The following ADCY2 variants were observed in gnomAD, a reference collection of about 807,000 sequenced individuals.
The protein encoded by ADCY2 is adenylate cyclase type 2.
Under a neutral mutation model 125.2 loss-of-function variants are expected in ADCY2, and 31 were observed. The ratio of observed to expected loss-of-function variants is 0.25; its 90% CI spans 0.19 to 0.33. ADCY2 has a LOEUF of 0.33. ADCY2 is among the 10% of genes least tolerant of loss of function. The pLI, the probability that ADCY2 is intolerant of heterozygous loss-of-function variation, is 1.00. For missense variants in ADCY2, 904 were observed against 1,418.2 expected (o/e 0.64, Z 5.82); for synonymous variants, 512 against 548.4 (o/e 0.93, Z 0.93).
intron 3 of ADCY2, among the ~76,000 whole-genome samples, chr5:7,584,182 T>A: frequency 6.6e-6 from 1 of 152,228 alleles, no homozygotes; most frequent in East Asian, 1.9e-4. Context: ...AGACCTAATG[T>A]AAAGCATAAT....
At chr5:7,572,269 C>T (rs1356214191) in intron 3 of ADCY2, among the ~76,000 whole-genome samples, 1 of 152,192 alleles carries the variant, frequency 6.6e-6, no homozygotes, top group African/African-American at 2.4e-5. Context: ...CTCCCGTCAA[C>T]AGTGTATAAA....
intron 18 of ADCY2, among the ~76,000 whole-genome samples, chr5:7,779,497 T>G (rs1743845322): frequency 6.6e-6 from 1 of 152,076 alleles, no homozygotes; most frequent in African/African-American, 2.4e-5. Context: ...TCACTCTTCT[T>G]CACAAAAGGA....
chr5:7,825,197 G>A (rs1358713997), intron 24 of ADCY2, among the ~76,000 whole-genome samples: 1 of 152,084 alleles, frequency 6.6e-6, no homozygotes, highest in Non-Finnish European at 1.5e-5. Context: ...CAACGCTGCT[G>A]TGCGCCACGA....
At chr5:7,710,745 G>A (rs1045150057) in intron 10 of ADCY2, among the ~76,000 whole-genome samples, 2 of 152,152 alleles carry the variant, frequency 1.3e-5, no homozygotes, top group Non-Finnish European at 2.9e-5. Context: ...GCAAGGGAGG[G>A]TCATGATATA....
chr5:7,647,297 C>T (rs1738932688), intron 4 of ADCY2, among the ~76,000 whole-genome samples: 1 of 152,084 alleles, frequency 6.6e-6, no homozygotes, highest in Non-Finnish European at 1.5e-5. Flanking sequence ...TAATATCTGC[C>T]CCAGAGAAAT....
chr5:7,737,194 T>C (rs1370269288), intron 14 of ADCY2, among the ~76,000 whole-genome samples: 2 of 152,104 alleles, frequency 1.3e-5, no homozygotes, highest in Admixed American at 1.3e-4. Context: ...GAATTTAATA[T>C]AAAGAAGTAT....
intron 7 of ADCY2, among the ~76,000 whole-genome samples, chr5:7,705,463 C>T (rs1167696964): frequency 3.3e-5 from 5 of 152,192 alleles, no homozygotes; most frequent in African/African-American, 1.2e-4. Context: ...TGCCTGAGTC[C>T]GGAAGAACAA....
chr5:7,642,435 A>T (rs1169761530), intron 4 of ADCY2, among the ~76,000 whole-genome samples: 1 of 152,160 alleles, frequency 6.6e-6, no homozygotes, highest in African/African-American at 2.4e-5. Context: ...CCTTTGTCAG[A>T]TGCATAGTTT....
intron 10 of ADCY2, among the ~76,000 whole-genome samples, chr5:7,711,907 C>T (rs1741452981): frequency 6.6e-6 from 1 of 152,312 alleles, no homozygotes; most frequent in South Asian, 2.1e-4. Context: ...CTGTGTGTCT[C>T]ACTCACTTTC....
chr5:7,434,061 G>A (rs1375398429), intron 2 of ADCY2, among the ~76,000 whole-genome samples: 1 of 151,962 alleles, frequency 6.6e-6, no homozygotes, highest in African/African-American at 2.4e-5. Flanking sequence ...GTCAATACAG[G>A]GAAGAATTTC....
chr5:7,654,334 G>A, intron 4 of ADCY2: 1 of 355,058 alleles, frequency 2.8e-6, no homozygotes, highest in Non-Finnish European at 5.6e-6. Context: ...GAGGCCAAGA[G>A]GGAAAACGGG....
rs112506531 is a variant in ADCY2 at position 7,758,409 on chromosome 5, A to C, written c.2094+823A>C. ...GGAGATCTGATGCTTCCTGTAGTGG[A>C]GGCTTCACTCACTGTGGGAAATGCA... On this transcript the variant is annotated intron_variant, in intron 16 of 24. Coordinates refer to ENST00000338316, the MANE Select transcript of ADCY2 (RefSeq NM_020546.3). 5.2e-3 allele frequency among the ~76,000 whole-genome samples: 787 copies of C among 152,278 alleles called. 11 individuals are homozygous for C. The highest frequency in any genetic ancestry group is 0.018 in the African/African-American group (735 of 41,550).
intron 21 of ADCY2, among the ~76,000 whole-genome samples, chr5:7,803,920 T>TTA (rs1180073894): frequency 2.0e-5 from 3 of 148,426 alleles, no homozygotes; most frequent in Non-Finnish European, 3.0e-5. Flanking sequence ...ATATATATTT[T>TTA]TATATATATG....
intron 2 of ADCY2, among the ~76,000 whole-genome samples, chr5:7,421,760 C>T (rs1740214205): frequency 6.6e-6 from 1 of 152,136 alleles, no homozygotes; most frequent in Non-Finnish European, 1.5e-5. Context: ...GTTGACTTTC[C>T]CTTAACCTTC....
intron 2 of ADCY2, among the ~76,000 whole-genome samples, chr5:7,454,826 T>C (rs1741609520): frequency 6.6e-6 from 1 of 152,192 alleles, no homozygotes; most frequent in Non-Finnish European, 1.5e-5. Flanking sequence ...AAATTCTTAG[T>C]AAATGTTAAT....
intron 23 of ADCY2, among the ~76,000 whole-genome samples, chr5:7,819,545 T>A (rs1012321795): frequency 6.6e-6 from 1 of 152,166 alleles, no homozygotes; most frequent in Non-Finnish European, 1.5e-5. Flanking sequence ...ACCCTGATTG[T>A]CCAATAACTG....
intron 2 of ADCY2, among the ~76,000 whole-genome samples, chr5:7,480,856 TACC>T (rs1325571328): frequency 6.6e-6 from 1 of 152,236 alleles, no homozygotes; most frequent in Non-Finnish European, 1.5e-5. Flanking sequence ...TATGTATATG[TACC>T]ACATTTTCTT....
At chr5:7,811,394 G>A (rs945257480) in intron 22 of ADCY2, among the ~76,000 whole-genome samples, 6 of 151,780 alleles carry the variant, frequency 4.0e-5, no homozygotes, top group African/African-American at 1.5e-4. Context: ...CCAGCTACTC[G>A]GGAGGCTGAG....
intron 4 of ADCY2, among the ~76,000 whole-genome samples, chr5:7,679,336 G>A (rs1740246180): frequency 6.6e-6 from 1 of 152,122 alleles, no homozygotes. Context: ...AAGAAATAAA[G>A]AAGGTGGGAT....
Sources: gnomAD v4.1 joint callset for allele counts (sites outside exome capture counted in the v4.1 genomes callset) on GRCh38, gnomAD v4.1.1 for gene constraint, MANE v1.5 for transcripts, NCBI Gene and HGNC (gene_info 2026-07-23, HGNC 2026-07-21) for gene names.